The following DNAJC21 variants were observed in gnomAD, a reference collection of about 807,000 sequenced individuals.
DNAJC21 encodes DnaJ heat shock protein family (Hsp40) member C21.
A neutral mutation model predicts 72.4 loss-of-function variants in DNAJC21; 63 were observed. The observed-to-expected ratio is 0.87, with a 90% CI of 0.71 to 1.07. The LOEUF (loss-of-function observed/expected upper bound fraction) is 1.07, where lower values mean the gene tolerates loss of function less well. Among genes scored for constraint, DNAJC21 ranks in the 50% least tolerant of loss-of-function variants. The pLI is 0.00. For synonymous variants in DNAJC21, 203 were observed against 216.7 expected, an observed-to-expected ratio of 0.94 and a Z score of 0.56; for missense variants, 634 against 644.8, an observed-to-expected ratio of 0.98 and a Z score of 0.18.
chr5:34,940,075 C>T (rs1580530048), intron 6 of DNAJC21, among the ~76,000 whole-genome samples: 1 of 152,298 alleles, frequency 6.6e-6, no homozygotes, highest in South Asian at 2.1e-4. Flanking sequence ...CAAGCTCTCA[C>T]TGGATCGTCA....
chr5:34,931,978 C>T (rs1764612327), intron 1 of DNAJC21, among the ~76,000 whole-genome samples: 1 of 152,186 alleles, frequency 6.6e-6, no homozygotes. Flanking sequence ...TAATTTATGG[C>T]ATCAGTGTGA....
At chr5:34,931,534 T>A (rs1361515261) in intron 1 of DNAJC21, among the ~76,000 whole-genome samples, 1 of 152,168 alleles carries the variant, frequency 6.6e-6, no homozygotes, top group Non-Finnish European at 1.5e-5. Context: ...TTCTGAAGAG[T>A]GATTTTAAAT....
chr5:34,946,296 A>G lies in DNAJC21; in HGVS notation c.1185+493A>G, dbSNP rs116096019. 7.6e-3 allele frequency among the ~76,000 whole-genome samples: 1,162 copies of G among 152,294 alleles called. 11 individuals carry two copies. Among genetic ancestry groups the G allele is most frequent in the Middle Eastern group, 0.014 (4 of 292 alleles). Reference sequence around the variant, plus strand: ...GAAGTTTAAGTAATTTAAATATTTCACAGCTGAAGTCCAAATTCATTCTCT... The same window carrying G: ...GAAGTTTAAGTAATTTAAATATTTCGCAGCTGAAGTCCAAATTCATTCTCT... On this transcript the variant is annotated intron_variant, in intron 9 of 11. Transcript: ENST00000648817.
intron 7 of DNAJC21, among the ~76,000 whole-genome samples, chr5:34,944,585 T>C (rs534177626): frequency 1.9e-4 from 29 of 151,952 alleles, no homozygotes; most frequent in African/African-American, 6.8e-4. Flanking sequence ...AGAAAATGTA[T>C]GTAGATAAAA....
In DNAJC21 at chr5:34,957,032, G is replaced by A. The variant is rs1177027136; in HGVS notation, c.*2318G>A. 1 of 152,120 alleles carries A rather than the reference G, an allele frequency of 6.6e-6. No homozygotes were observed. Among genetic ancestry groups the A allele is most frequent in the Non-Finnish European group, 1.5e-5 (1 of 68,018 alleles). 9.4% of individuals were successfully genotyped at this position (152,120 alleles called of 1,614,324 possible). Reference sequence around the variant, plus strand: ...ATCTTTTTTAGTTTATATATTTGCAGACTATACATGTTGGATTAAATGGGC... The same window carrying A: ...ATCTTTTTTAGTTTATATATTTGCAAACTATACATGTTGGATTAAATGGGC... On this transcript the variant is annotated 3_prime_UTR_variant, in exon 12 of 12. Transcript: ENST00000648817.
At chr5:34,945,144 C>A in intron 8 of DNAJC21, 119 bp downstream of exon 8, 1 of 1,196,390 alleles carries the variant, frequency 8.4e-7, no homozygotes, top group Non-Finnish European at 1.2e-6. Context: ...GTGGCGCAGT[C>A]TCAGCTCACT....
intron 1 of DNAJC21, among the ~76,000 whole-genome samples, chr5:34,931,640 T>C (rs1197434844): frequency 6.6e-6 from 1 of 152,208 alleles, no homozygotes; most frequent in Admixed American, 6.5e-5. Flanking sequence ...TTTGCTTCGC[T>C]AAATAAGGGA....
At chr5:34,945,852 A>G in intron 9 of DNAJC21, 49 bp downstream of exon 9, 2 of 1,337,988 alleles carry the variant, frequency 1.5e-6, no homozygotes, top group South Asian at 2.7e-5. Flanking sequence ...ATAAAGTTGC[A>G]GTGCTCTTAT....
chr5:34,941,846 C>T (rs1765006089), intron 7 of DNAJC21, among the ~76,000 whole-genome samples: 2 of 151,658 alleles, frequency 1.3e-5, no homozygotes, highest in South Asian at 2.1e-4. Context: ...GGATTACAGG[C>T]GTGAGCCACA....
intron 1 of DNAJC21, among the ~76,000 whole-genome samples, chr5:34,931,818 G>A (rs1475876514): frequency 1.3e-5 from 2 of 152,120 alleles, no homozygotes; most frequent in Admixed American, 1.3e-4. Flanking sequence ...AAGGGGAGGA[G>A]ATGTTGGGAA....
rs200813020 is a variant in DNAJC21 at position 34,939,043 on chromosome 5, T to A, written c.895+34T>A. The A allele has an allele frequency of 8.7e-4, 1,275 of 1,462,332 alleles. 2 individuals are homozygous for A. Among genetic ancestry groups the A allele is most frequent in the Admixed American group, 8.7e-4 (33 of 38,038 alleles). 90.6% of individuals were successfully genotyped at this position (1,462,332 alleles called of 1,614,324 possible). On this transcript the variant is annotated intron_variant, in intron 6 of 11. Coordinates refer to ENST00000648817, the MANE Select transcript of DNAJC21 (RefSeq NM_001012339.3). ...ATTTTTATTTTATTTATCTTTTTTG[T>A]TTTTTAAGTGAAGCTGGAAATCTCC...
At chr5:34,930,875 T>C (rs533179895) in intron 1 of DNAJC21, among the ~76,000 whole-genome samples, 2 of 152,234 alleles carry the variant, frequency 1.3e-5, no homozygotes, top group East Asian at 3.9e-4. Flanking sequence ...CAGAAAAAAA[T>C]CGCAACATAC....
Position 34,946,639 on chromosome 5 carries a change from C to T in DNAJC21, c.1185+836C>T, listed in dbSNP as rs558951405. ...AATTGTAATTTGGAACTTTTTGCTTCAGTTATAAAACCGCATAGCAAATAT... is the reference window on the plus strand; with the variant it reads ...AATTGTAATTTGGAACTTTTTGCTTTAGTTATAAAACCGCATAGCAAATAT... On this transcript the variant is annotated intron_variant, in intron 9 of 11. Coordinates refer to ENST00000648817, the MANE Select transcript of DNAJC21 (RefSeq NM_001012339.3). Among the ~76,000 whole-genome samples, 7 of 152,218 alleles carry T rather than the reference C, an allele frequency of 4.6e-5. No individual in the cohort carries two copies. In the East Asian group the frequency reaches 1.4e-3, roughly 29 times the overall value.
intron 9 of DNAJC21, among the ~76,000 whole-genome samples, chr5:34,949,240 A>G (rs762476348): frequency 3.9e-5 from 6 of 152,190 alleles, no homozygotes; most frequent in Admixed American, 6.5e-5. Context: ...GAAATGTTTA[A>G]CCTGAATCTG....
intron 9 of DNAJC21, among the ~76,000 whole-genome samples, chr5:34,946,948 C>T (rs1310726199): frequency 3.9e-5 from 6 of 152,166 alleles, no homozygotes; most frequent in Non-Finnish European, 7.4e-5. Flanking sequence ...TCCTTTATAG[C>T]ATCTCTCGTT....
In DNAJC21 at chr5:34,947,254, TCAAA is replaced by T. The variant is rs1330405409; in HGVS notation, c.1185+1454_1185+1457del. On this transcript the variant is annotated intron_variant, in intron 9 of 11. Coordinates refer to ENST00000648817, the MANE Select transcript of DNAJC21 (RefSeq NM_001012339.3). ...GGAAAGAAAATTTAATTCAAGTAACTCAAACATAGTACTCTGACTGAATACCTTC... is the reference window on the plus strand; with the variant it reads ...GGAAAGAAAATTTAATTCAAGTAACTCATAGTACTCTGACTGAATACCTTC... Among the ~76,000 whole-genome samples the T allele has an allele frequency of 2.6e-5, 4 of 152,250 alleles. No homozygotes were observed. In the South Asian group the frequency reaches 8.3e-4, roughly 32 times the overall value.
intron 1 of DNAJC21, among the ~76,000 whole-genome samples, chr5:34,932,139 G>T (rs750624938): frequency 6.6e-6 from 1 of 152,098 alleles, no homozygotes; most frequent in Admixed American, 6.5e-5. Flanking sequence ...AGTGTGCTCC[G>T]GCCAGGTGCG....
At chr5:34,936,378 G>GTA in intron 4 of DNAJC21, 112 bp downstream of exon 4, 1 of 1,282,616 alleles carries the variant, frequency 7.8e-7, no homozygotes, top group South Asian at 1.5e-5. Context: ...CAGTGCAGTG[G>GTA]TATGATCATA....
At chr5:34,950,618 T>C in intron 10 of DNAJC21, 4 of 1,059,466 alleles carry the variant, frequency 3.8e-6, no homozygotes, top group Non-Finnish European at 4.6e-6. Context: ...TATCCTGCTG[T>C]GGCGCTGATT....
Sources: allele counts gnomAD v4.1 joint callset (sites outside exome capture counted in the v4.1 genomes callset), GRCh38; gene constraint gnomAD v4.1.1; transcripts MANE v1.5; gene names NCBI Gene and HGNC (gene_info 2026-07-23, HGNC 2026-07-21).